Variants in TMOD3 observed in about 807,000 individuals in gnomAD.
TMOD3 encodes tropomodulin 3.
In TMOD3, 20 loss-of-function variants were observed where a neutral mutation model predicts 39.2. That is an observed-to-expected ratio of 0.51 (90% CI 0.36 to 0.74). TMOD3 has a LOEUF of 0.74. Ranked by LOEUF, TMOD3 falls within the 30% of genes least tolerant of loss-of-function variation. TMOD3 has a pLI of 0.00. For synonymous variants in TMOD3, 143 were observed against 145.8 expected, an observed-to-expected ratio of 0.98 and a Z score of 0.14; for missense variants, 381 against 412.8, an observed-to-expected ratio of 0.92 and a Z score of 0.67.
intron 3 of TMOD3, among the ~76,000 whole-genome samples, chr15:51,872,677 GC>G (rs1449733162): frequency 1.3e-5 from 2 of 148,608 alleles, no homozygotes; most frequent in Non-Finnish European, 3.0e-5. Context: ...CAGTGGCACT[GC>G]AACCTGGGAC....
chr15:51,850,771 C>G (rs1270051833), intron 1 of TMOD3, among the ~76,000 whole-genome samples: 2 of 152,112 alleles, frequency 1.3e-5, no homozygotes, highest in Non-Finnish European at 1.5e-5. Context: ...GAGTATTGCT[C>G]TGTCACCCAG....
rs1595901235 is a variant in TMOD3 at position 51,875,165 on chromosome 15, CAG to C, written c.283+5794_283+5795del. On this transcript the variant is annotated intron_variant, in intron 3 of 9. Transcript: ENST00000308580. The stretch of plus-strand genomic sequence containing the variant: ...GTATGTGATTTCTTTGGAGGAAAGA[CAG>C]ACCTGATCCCTTAGTAAACCAGAAA... 5.3e-5 allele frequency: 8 copies of C among 152,288 alleles called. No homozygotes were observed. The East Asian group carries it at 1.5e-3, about 29-fold the overall frequency. The allele number at this position is 152,288 out of a possible 1,614,324, so 9.4% of individuals were successfully genotyped here.
chr15:51,891,561 C>T (rs1566865332), intron 5 of TMOD3, among the ~76,000 whole-genome samples: 1 of 152,092 alleles, frequency 6.6e-6, no homozygotes, highest in Non-Finnish European at 1.5e-5. Context: ...TTTTAAGTTT[C>T]CCATGAACCT....
intron 6 of TMOD3, among the ~76,000 whole-genome samples, chr15:51,894,365 AC>A (rs1445674562): frequency 6.6e-6 from 1 of 152,214 alleles, no homozygotes; most frequent in Non-Finnish European, 1.5e-5. Flanking sequence ...AGCCTGGGCA[AC>A]ATAGTGAGAC....
intron 1 of TMOD3, chr15:51,859,302 G>C (rs935222322): frequency 2.7e-6 from 2 of 731,118 alleles, no homozygotes; most frequent in Admixed American, 1.7e-5. Context: ...TCTACCAAGG[G>C]GGTGGTTCAA....
chr15:51,881,550 C>CTTTTTTTTTTTTTTTTTTTTT (rs753814979), intron 3 of TMOD3, among the ~76,000 whole-genome samples: 1 of 61,842 alleles, frequency 1.6e-5, no homozygotes, highest in African/African-American at 6.8e-5. Flanking sequence ...TTCTTTATTT[C>CTTTTTTTTTTTTTTTTTTTTT]TTTTTTTTTT....
chr15:51,897,956 A>C (rs1283053665), intron 7 of TMOD3, among the ~76,000 whole-genome samples: 3 of 152,058 alleles, frequency 2.0e-5, no homozygotes, highest in Non-Finnish European at 1.5e-5. Context: ...GGATTATTGC[A>C]ACAGCCTCCT....
At position 51,908,775 on chromosome 15, in the gene TMOD3, G is replaced by T; in HGVS notation, c.1025-1G>T. On this transcript the variant is annotated splice_acceptor_variant, in intron 9 of 9. Coordinates refer to ENST00000308580, the MANE Select transcript of TMOD3 (RefSeq NM_014547.5). LOFTEE classifies it high-confidence loss of function. ...CATAGTTTCTTTTATTTTTCTCATA[G>T]TGCGTAAGAGACGAGTTGAAGGAGA... 6.2e-7 allele frequency: 1 copy of T among 1,605,648 alleles called. No individual in the cohort carries two copies. Among genetic ancestry groups the T allele is most frequent in the Non-Finnish European group, 8.5e-7 (1 of 1,176,668 alleles).
intron 1 of TMOD3, among the ~76,000 whole-genome samples, chr15:51,845,520 G>T (rs887013903): frequency 7.2e-5 from 11 of 152,186 alleles, no homozygotes; most frequent in African/African-American, 2.7e-4. Flanking sequence ...ACTTTGGGAG[G>T]CTGAGGTGGG....
chr15:51,882,486 G>A (rs904800045), intron 3 of TMOD3, among the ~76,000 whole-genome samples: 1 of 152,104 alleles, frequency 6.6e-6, no homozygotes, highest in Non-Finnish European at 1.5e-5. Flanking sequence ...GTGACCGAGT[G>A]AGAGACTGTC....
At chr15:51,837,152 A>G (rs1020862693) in intron 1 of TMOD3, among the ~76,000 whole-genome samples, 8 of 152,180 alleles carry the variant, frequency 5.3e-5, no homozygotes, top group Non-Finnish European at 1.2e-4. Flanking sequence ...TGAGCAGGAT[A>G]TTATTAGTGA....
At chr15:51,869,001 G>A (rs562453343) in intron 2 of TMOD3, among the ~76,000 whole-genome samples, 1 of 152,114 alleles carries the variant, frequency 6.6e-6, no homozygotes, top group Admixed American at 6.5e-5. Context: ...TAATGTATGT[G>A]CCTATTTTAA....
intron 2 of TMOD3, among the ~76,000 whole-genome samples, chr15:51,864,699 G>A (rs2056436250): frequency 6.6e-6 from 1 of 152,160 alleles, no homozygotes. Flanking sequence ...ACAAGTTTAG[G>A]ACTAGATGGT....
At chr15:51,863,101 T>C in intron 2 of TMOD3, 91 bp downstream of exon 2, 1 of 1,357,086 alleles carries the variant, frequency 7.4e-7, no homozygotes, top group Non-Finnish European at 1.0e-6. Flanking sequence ...GACTTTTCTC[T>C]GGCACCTTCC....
chr15:51,839,671 C>G (rs1024225962), intron 1 of TMOD3, among the ~76,000 whole-genome samples: 1 of 152,110 alleles, frequency 6.6e-6, no homozygotes, highest in African/African-American at 2.4e-5. Flanking sequence ...CTCAGTCTCC[C>G]AAGTAGCTGG....
chr15:51,902,759 C>T (rs1413608834), intron 9 of TMOD3, among the ~76,000 whole-genome samples: 2 of 151,148 alleles, frequency 1.3e-5, no homozygotes, highest in Non-Finnish European at 1.5e-5. Context: ...ACGCCATTCT[C>T]CTGCCTCAGC....
At position 51,915,000 on chromosome 15, in the gene TMOD3, G is replaced by A. The variant is rs1452060768; in HGVS notation, c.*6190G>A. On this transcript the variant is annotated 3_prime_UTR_variant, in exon 10 of 10. Transcript: ENST00000308580. ...CCGCCTCGGCCTCCCAAAGTGCTGG[G>A]ATTACAGGTGTTTGCCACCGCGCCC... 6.6e-6 allele frequency: 1 copy of A among 152,110 alleles called. No homozygotes were observed. Among genetic ancestry groups the A allele is most frequent in the Admixed American group, 6.6e-5 (1 of 15,264 alleles). 9.4% of individuals were successfully genotyped at this position (152,110 alleles called of 1,614,324 possible). A position where few individuals can be genotyped will look rare whatever the true frequency, so the allele number is the denominator to read the frequency against.
chr15:51,865,189 G>A (rs1051960972), intron 2 of TMOD3, among the ~76,000 whole-genome samples: 3 of 152,032 alleles, frequency 2.0e-5, no homozygotes, highest in Non-Finnish European at 4.4e-5. Flanking sequence ...ACAGGGTCTC[G>A]TTATGTTACC....
At chr15:51,852,858 A>T (rs575659880) in intron 1 of TMOD3, among the ~76,000 whole-genome samples, 1 of 152,352 alleles carries the variant, frequency 6.6e-6, no homozygotes, top group Non-Finnish European at 1.5e-5. Context: ...GAGACAGGTG[A>T]AAGACTAACT....
Sources: allele counts gnomAD v4.1 joint callset (sites outside exome capture counted in the v4.1 genomes callset), GRCh38; gene constraint gnomAD v4.1.1; transcripts MANE v1.5; gene names NCBI Gene and HGNC (gene_info 2026-07-23, HGNC 2026-07-21).